MTCL2: variants seen among roughly 807,000 people sequenced by gnomAD.
MTCL2 encodes microtubule cross-linking factor 2.
At chr20:36,805,859 C>T in the MTCL2 span, 1 of 1,608,678 alleles carries the variant, frequency 6.2e-7, no homozygotes, top group Non-Finnish European at 8.5e-7. Flanking sequence ...ACACCGTGTT[C>T]TGGGTCCAGC....
chr20:36,859,354 TA>T, the MTCL2 span, among the ~76,000 whole-genome samples: 1 of 152,200 alleles, frequency 6.6e-6, no homozygotes, highest in African/African-American at 2.4e-5. Flanking sequence ...GCTCGGCAGC[TA>T]AAGCTGCATC....
the MTCL2 span, chr20:36,808,745 T>G: frequency 1.3e-6 from 2 of 1,578,328 alleles, no homozygotes; most frequent in Non-Finnish European, 1.7e-6. Context: ...CTCCTTCAGC[T>G]GCCGGGGGAC....
At chr20:36,789,989 T>TC in the MTCL2 span, among the ~76,000 whole-genome samples, 2 of 120,868 alleles carry the variant, frequency 1.7e-5, no homozygotes, top group Non-Finnish European at 3.2e-5. Context: ...AATTTTTGTA[T>TC]TTTTTTTTTT....
the MTCL2 span, among the ~76,000 whole-genome samples, chr20:36,845,242 G>GT: frequency 3.9e-5 from 6 of 152,180 alleles, no homozygotes; most frequent in Non-Finnish European, 7.4e-5. Flanking sequence ...TTTCCTTCTA[G>GT]TTATTTCCCC....
At chr20:36,805,852 C>G in the MTCL2 span, 1 of 1,605,770 alleles carries the variant, frequency 6.2e-7, no homozygotes, top group Non-Finnish European at 8.5e-7. Flanking sequence ...TGGAAACACA[C>G]CGTGTTCTGG....
the MTCL2 span, among the ~76,000 whole-genome samples, chr20:36,834,517 G>A: frequency 4.3e-4 from 66 of 152,220 alleles, no homozygotes; most frequent in Middle Eastern, 3.4e-3. Context: ...GGGAATGTAT[G>A]TTGTGAACAA....
At chr20:36,843,941 T>G in the MTCL2 span, among the ~76,000 whole-genome samples, 38 of 152,334 alleles carry the variant, frequency 2.5e-4, no homozygotes, top group African/African-American at 8.2e-4. Context: ...ATTTTCTTAT[T>G]TATAAAACAG....
At chr20:36,839,297 C>T in the MTCL2 span, 7 of 1,612,546 alleles carry the variant, frequency 4.3e-6, no homozygotes, top group Non-Finnish European at 5.9e-6. This position sits in a 1 kb window ranked among gnomAD's most constrained non-coding sequence, Gnocchi z 5.1. Context: ...CGGCGCTCGG[C>T]TTTGCGCAGC....
At chr20:36,792,853 TAGATAGACAGACAGAC>T in the MTCL2 span, among the ~76,000 whole-genome samples, 18 of 140,958 alleles carry the variant, frequency 1.3e-4, no homozygotes, top group African/African-American at 4.6e-4. Context: ...GATAGATAGA[TAGATAGACAGACAGAC>T]AGACAGACAG....
At chr20:36,853,638 AG>A in the MTCL2 span, among the ~76,000 whole-genome samples, 1 of 151,800 alleles carries the variant, frequency 6.6e-6, no homozygotes, top group Non-Finnish European at 1.5e-5. Context: ...GTCAGGAGTG[AG>A]CCTCCCAGAT....
the MTCL2 span, among the ~76,000 whole-genome samples, chr20:36,847,996 AT>A: frequency 1.3e-5 from 2 of 152,240 alleles, no homozygotes; most frequent in South Asian, 4.1e-4. Context: ...AAAATAAAAA[AT>A]TTTAAAAACT....
At chr20:36,794,747 T>G in the MTCL2 span, 2 of 957,998 alleles carry the variant, frequency 2.1e-6, no homozygotes, top group Non-Finnish European at 1.6e-6. The surrounding 1 kb of genome is among the most constrained non-coding windows in gnomAD (Gnocchi z 5.4). Context: ...TGGTGCCCAG[T>G]CCCACATTCT....
At chr20:36,836,724 C>T in the MTCL2 span, among the ~76,000 whole-genome samples, 9 of 152,068 alleles carry the variant, frequency 5.9e-5, no homozygotes, top group East Asian at 1.5e-3. Flanking sequence ...TGGCCTCTAG[C>T]GATCCTCCCA....
chr20:36,829,154 C>T, the MTCL2 span: 26 of 1,607,314 alleles, frequency 1.6e-5, no homozygotes, highest in African/African-American at 4.0e-5. Context: ...CAGCCGCGCC[C>T]GTTTCTTCTC....
the MTCL2 span, among the ~76,000 whole-genome samples, chr20:36,809,147 C>T: frequency 1.3e-5 from 2 of 152,286 alleles, no homozygotes; most frequent in East Asian, 3.9e-4. Flanking sequence ...CCCTAGGAAG[C>T]AATGCAGTGT....
the MTCL2 span, among the ~76,000 whole-genome samples, chr20:36,835,446 G>T: frequency 6.6e-6 from 1 of 152,164 alleles, no homozygotes; most frequent in African/African-American, 2.4e-5. Flanking sequence ...AACAGAAGGG[G>T]AAAATGAGGC....
At chr20:36,841,419 G>A in the MTCL2 span, among the ~76,000 whole-genome samples, 1 of 151,948 alleles carries the variant, frequency 6.6e-6, no homozygotes, top group African/African-American at 2.4e-5. Context: ...ATAGGGTGAG[G>A]GGGGGTGCTA....
chr20:36,806,086 A>G, the MTCL2 span: 1 of 654,614 alleles, frequency 1.5e-6, no homozygotes, highest in Non-Finnish European at 2.6e-6. Context: ...CACGACATCT[A>G]TTCTGCCCCA....
chr20:36,804,897 A>G, the MTCL2 span: 20 of 1,609,952 alleles, frequency 1.2e-5, no homozygotes, highest in Non-Finnish European at 1.6e-5. Flanking sequence ...TGATGTACTC[A>G]TTGGGCTGCA....
Sources: gnomAD v4.1 joint callset for allele counts (sites outside exome capture counted in the v4.1 genomes callset) on GRCh38, gnomAD v4.1.1 for gene constraint, Gnocchi (gnomAD v3.1) non-coding constraint, MANE v1.5 for transcripts, NCBI Gene and HGNC (gene_info 2026-07-23, HGNC 2026-07-21) for gene names.